Variants in DCC observed in about 807,000 individuals in gnomAD.
DCC encodes netrin receptor DCC.
A neutral mutation model predicts 172.5 loss-of-function variants in DCC; 58 were observed. The ratio of observed to expected loss-of-function variants is 0.34; its 90% CI spans 0.27 to 0.42. DCC has a LOEUF of 0.42. Among genes scored for constraint, DCC ranks in the 10% least tolerant of loss-of-function variants. The pLI, the probability that DCC is intolerant of heterozygous loss-of-function variation, is 1.00. For missense variants in DCC, 1,740 were observed against 1,791.0 expected (o/e 0.97, Z 0.51); for synonymous variants, 709 against 644.5 (o/e 1.10, Z -1.52).
intron 7 of DCC, among the ~76,000 whole-genome samples, chr18:53,073,298 G>A (rs374060433): frequency 5.3e-5 from 8 of 152,318 alleles, no homozygotes; most frequent in African/African-American, 1.7e-4. Flanking sequence ...GGCCAAGGCA[G>A]GCAGATCACT....
chr18:53,215,191 TA>T (rs1387026037), intron 11 of DCC, among the ~76,000 whole-genome samples: 1 of 152,176 alleles, frequency 6.6e-6, no homozygotes, highest in Non-Finnish European at 1.5e-5. Context: ...CTTAAGCCTT[TA>T]AAACTACTGT....
chr18:52,798,482 G>A (rs1033966090), intron 2 of DCC, among the ~76,000 whole-genome samples: 4 of 152,072 alleles, frequency 2.6e-5, no homozygotes, highest in African/African-American at 9.7e-5. Context: ...GGGATTACAG[G>A]CATGAGCCAC....
At chr18:52,523,633 G>A (rs1417462258) in intron 1 of DCC, among the ~76,000 whole-genome samples, 1 of 152,106 alleles carries the variant, frequency 6.6e-6, no homozygotes, top group Non-Finnish European at 1.5e-5. Context: ...CTGGTTACTT[G>A]TTTATTGGGC....
intron 1 of DCC, among the ~76,000 whole-genome samples, chr18:52,482,390 A>G (rs911372547): frequency 1.3e-5 from 2 of 152,208 alleles, no homozygotes; most frequent in Non-Finnish European, 2.9e-5. Flanking sequence ...TTAATGTCAT[A>G]GTCTTAGCTC....
chr18:52,611,100 CT>C (rs1048654945), intron 1 of DCC, among the ~76,000 whole-genome samples: 25 of 152,132 alleles, frequency 1.6e-4, no homozygotes, highest in African/African-American at 6.0e-4. Context: ...TTAATTCTCA[CT>C]TTTATTTTCT....
chr18:52,623,071 T>A lies in DCC; in HGVS notation c.92-128983T>A, dbSNP rs56071364. Among the ~76,000 whole-genome samples the A allele has an allele frequency of 3.2e-3, 481 of 152,328 alleles. 4 individuals are homozygous for A. Among genetic ancestry groups the A allele is most frequent in the Middle Eastern group, 0.017 (5 of 294 alleles). ...AACTGTAGCCCACAGGCCAGCTGTT[T>A]GTTTATGTAAATAAAGTTTTATTGG... On this transcript the variant is annotated intron_variant, in intron 1 of 28. Transcript: ENST00000442544.
chr18:53,022,400 G>C (rs2041893262), intron 5 of DCC, among the ~76,000 whole-genome samples: 1 of 151,948 alleles, frequency 6.6e-6, no homozygotes. Context: ...ACTATCTTAT[G>C]AGATAGTTGG....
At chr18:52,801,844 T>A (rs2037993373) in intron 2 of DCC, among the ~76,000 whole-genome samples, 1 of 152,182 alleles carries the variant, frequency 6.6e-6, no homozygotes, top group Admixed American at 6.5e-5. Context: ...ACTGAGACTA[T>A]AAAGAATATA....
chr18:52,521,178 A>AT (rs57633326), intron 1 of DCC, among the ~76,000 whole-genome samples: 6 of 151,692 alleles, frequency 4.0e-5, no homozygotes, highest in East Asian at 3.9e-4. Flanking sequence ...TGAATTGTGA[A>AT]TTTTTTTTTG....
chr18:52,640,945 A>G (rs1191262595), intron 1 of DCC, among the ~76,000 whole-genome samples: 1 of 152,214 alleles, frequency 6.6e-6, no homozygotes, highest in Non-Finnish European at 1.5e-5. Flanking sequence ...TGGAGACATC[A>G]CACTACCTGA....
chr18:53,143,807 A>G (rs1272104140), intron 7 of DCC, among the ~76,000 whole-genome samples: 1 of 152,226 alleles, frequency 6.6e-6, no homozygotes, highest in African/African-American at 2.4e-5. Flanking sequence ...ATATTTACTT[A>G]TGAATGTGTT....
chr18:53,423,909 A>C (rs980542428), intron 21 of DCC, among the ~76,000 whole-genome samples: 3 of 152,214 alleles, frequency 2.0e-5, no homozygotes, highest in South Asian at 2.1e-4. Flanking sequence ...TGGAAAGATA[A>C]GTTTTACCAT....
intron 1 of DCC, among the ~76,000 whole-genome samples, chr18:52,625,715 A>T (rs1187841683): frequency 6.6e-6 from 1 of 152,084 alleles, no homozygotes; most frequent in African/African-American, 2.4e-5. Context: ...AGCTGTGTTC[A>T]CAGTCTCTAT....
chr18:53,067,464 G>A (rs963596336), intron 7 of DCC, among the ~76,000 whole-genome samples: 2 of 152,170 alleles, frequency 1.3e-5, no homozygotes, highest in Non-Finnish European at 2.9e-5. Context: ...TGAGGCTGCA[G>A]TGAGCTATGA....
At chr18:52,667,628 C>T (rs1437786498) in intron 1 of DCC, among the ~76,000 whole-genome samples, 1 of 152,188 alleles carries the variant, frequency 6.6e-6, no homozygotes, top group Non-Finnish European at 1.5e-5. Flanking sequence ...AATTTATGCA[C>T]TGCTTCTTCT....
At chr18:53,273,013 G>A (rs2056765915) in intron 12 of DCC, among the ~76,000 whole-genome samples, 1 of 152,056 alleles carries the variant, frequency 6.6e-6, no homozygotes, top group Non-Finnish European at 1.5e-5. Context: ...TTGATTATGA[G>A]TCAGTAGCAA....
intron 11 of DCC, among the ~76,000 whole-genome samples, chr18:53,213,713 C>T (rs1013320824): frequency 1.0e-4 from 15 of 144,880 alleles, no homozygotes; most frequent in Non-Finnish European, 2.1e-4. Flanking sequence ...GACATTATTT[C>T]CAAACTTTGC....
At chr18:53,064,632 A>C (rs2042541828) in intron 6 of DCC, among the ~76,000 whole-genome samples, 1 of 152,222 alleles carries the variant, frequency 6.6e-6, no homozygotes, top group South Asian at 2.1e-4. Context: ...GTTCTTAAGG[A>C]ATACATCCAT....
chr18:53,079,245 A>G (rs111974126), intron 7 of DCC, among the ~76,000 whole-genome samples: 2,650 of 152,056 alleles, frequency 0.017, 72 homozygotes, highest in African/African-American at 0.06. Context: ...TTTTGATCTC[A>G]TGAATTCCAT....
Sources: gnomAD v4.1 joint callset for allele counts (sites outside exome capture counted in the v4.1 genomes callset) on GRCh38, gnomAD v4.1.1 for gene constraint, MANE v1.5 for transcripts, NCBI Gene and HGNC (gene_info 2026-07-23, HGNC 2026-07-21) for gene names.